Variants in GAS2 observed in about 807,000 individuals in gnomAD.
GAS2 encodes growth arrest specific 2.
A neutral mutation model predicts 37.5 loss-of-function variants in GAS2; 20 were observed. That is an observed-to-expected ratio of 0.53 (90% CI 0.37 to 0.77). GAS2 has a LOEUF of 0.77. Among genes scored for constraint, GAS2 ranks in the 30% least tolerant of loss-of-function variants. The pLI, the probability that GAS2 is intolerant of heterozygous loss-of-function variation, is 0.00. For synonymous variants in GAS2, 144 were observed against 132.2 expected (o/e 1.09, Z -0.61); for missense variants, 336 against 373.4 (o/e 0.90, Z 0.82).
In GAS2 at chr11:22,677,138, A is replaced by G. The variant is rs529051207; in HGVS notation, c.145+2124A>G. 5.3e-5 allele frequency among the ~76,000 whole-genome samples: 8 copies of G among 152,344 alleles called. No homozygotes were observed. In the South Asian group the frequency reaches 8.3e-4, roughly 16 times the overall value. On this transcript the variant is annotated intron_variant, in intron 2 of 7. Coordinates refer to ENST00000454584, the MANE Select transcript of GAS2 (RefSeq NM_001143830.3). ...TTGAATATATAATCTATTACTTGTT[A>G]TAAACACTAAAAGATACAAGTTGCA...
chr11:22,669,964 C>T (rs889666298), intron 1 of GAS2, among the ~76,000 whole-genome samples: 2 of 152,002 alleles, frequency 1.3e-5, no homozygotes, highest in Non-Finnish European at 2.9e-5. Context: ...ATTAATTAGC[C>T]AAAATGAATC....
intron 7 of GAS2, among the ~76,000 whole-genome samples, chr11:22,798,346 C>T (rs1378738130): frequency 6.6e-6 from 1 of 151,890 alleles, no homozygotes; most frequent in African/African-American, 2.4e-5. Context: ...TGTGTTTGAA[C>T]AACTATGGGA....
At chr11:22,668,715 A>G (rs1260549575) in intron 1 of GAS2, among the ~76,000 whole-genome samples, 1 of 152,206 alleles carries the variant, frequency 6.6e-6, no homozygotes, top group Non-Finnish European at 1.5e-5. Context: ...TCTTACTTCA[A>G]GACTGGAAGT....
At chr11:22,652,256 C>T (rs1369458006) in intron 1 of GAS2, among the ~76,000 whole-genome samples, 1 of 152,192 alleles carries the variant, frequency 6.6e-6, no homozygotes, top group African/African-American at 2.4e-5. Context: ...CAGGGACCCA[C>T]TTGAGGAGGC....
intron 1 of GAS2, among the ~76,000 whole-genome samples, chr11:22,629,628 T>TCA (rs984272916): frequency 7.2e-5 from 11 of 152,198 alleles, no homozygotes; most frequent in African/African-American, 2.7e-4. Flanking sequence ...TGTATTCATG[T>TCA]CATTTGCTCA....
chr11:22,633,228 G>T (rs923820822), intron 1 of GAS2, among the ~76,000 whole-genome samples: 3 of 152,008 alleles, frequency 2.0e-5, no homozygotes, highest in African/African-American at 7.3e-5. Context: ...TTCAAATGTG[G>T]TTTTTCAATT....
intron 7 of GAS2, among the ~76,000 whole-genome samples, chr11:22,792,251 C>T (rs934824505): frequency 6.6e-6 from 1 of 151,974 alleles, no homozygotes; most frequent in Non-Finnish European, 1.5e-5. Flanking sequence ...TAAACAACAT[C>T]CCTCTAACAA....
At chr11:22,800,059 G>C (rs1451346193) in intron 7 of GAS2, among the ~76,000 whole-genome samples, 1 of 152,048 alleles carries the variant, frequency 6.6e-6, no homozygotes, top group African/African-American at 2.4e-5. Context: ...GAGTGGGCCT[G>C]GGCTCAGAAG....
intron 2 of GAS2, among the ~76,000 whole-genome samples, chr11:22,675,948 A>G (rs1164236371): frequency 1.3e-5 from 2 of 152,156 alleles, no homozygotes; most frequent in African/African-American, 4.8e-5. Context: ...AGTTTAGCAC[A>G]TTTTATCAGG....
chr11:22,754,949 A>T lies in GAS2; in HGVS notation c.616-897A>T, dbSNP rs1042049654. On this transcript the variant is annotated intron_variant, in intron 6 of 7. Transcript: ENST00000454584. ...ACGGCTTTCTGTTTCTTCCATGGAA[A>T]CTTTTCCTCAAAACACAGGAGATTA... is the stretch of plus-strand genomic sequence containing the variant. Among the ~76,000 whole-genome samples the T allele has an allele frequency of 3.9e-5, 6 of 152,098 alleles. No individual in the cohort carries two copies. The East Asian group carries it at 9.6e-4, about 24-fold the overall frequency.
chr11:22,626,635 G>A (rs539654291), intron 1 of GAS2: 1 of 152,242 alleles, frequency 6.6e-6, no homozygotes, highest in Admixed American at 6.5e-5. Flanking sequence ...TCAACTCCTA[G>A]GAGTTGCATT....
chr11:22,771,477 A>G (rs1388244937), intron 7 of GAS2, among the ~76,000 whole-genome samples: 1 of 152,160 alleles, frequency 6.6e-6, no homozygotes, highest in Non-Finnish European at 1.5e-5. Flanking sequence ...ACACCATACC[A>G]AACTTCCAGA....
At chr11:22,654,937 G>A (rs1314029928) in intron 1 of GAS2, among the ~76,000 whole-genome samples, 1 of 152,140 alleles carries the variant, frequency 6.6e-6, no homozygotes. Flanking sequence ...AAAATATGTA[G>A]TGTGCGATGC....
chr11:22,799,925 T>A (rs1158039071), intron 7 of GAS2, among the ~76,000 whole-genome samples: 1 of 152,092 alleles, frequency 6.6e-6, no homozygotes, highest in Non-Finnish European at 1.5e-5. Flanking sequence ...TGTTGAATGA[T>A]CAAAGGAAGG....
chr11:22,788,586 G>C (rs1017647521), intron 7 of GAS2, among the ~76,000 whole-genome samples: 1 of 152,168 alleles, frequency 6.6e-6, no homozygotes, highest in Non-Finnish European at 1.5e-5. Context: ...AGTAATTACA[G>C]ATCAAAAGTG....
chr11:22,813,003 C>A (rs1857257637), downstream of GAS2: 1 of 152,534 alleles, frequency 6.6e-6, no homozygotes, highest in Non-Finnish European at 1.5e-5. Flanking sequence ...AAAATGTTAT[C>A]TGTCTCTAAA....
chr11:22,736,932 G>T (rs78757781), intron 4 of GAS2, among the ~76,000 whole-genome samples: 1,835 of 152,044 alleles, frequency 0.012, 38 homozygotes, highest in African/African-American at 0.042. Context: ...TCTTCTTGTA[G>T]GCTTGACAAA....
intron 7 of GAS2, among the ~76,000 whole-genome samples, chr11:22,771,959 G>C (rs12274375): frequency 0.037 from 5,669 of 152,156 alleles, 336 homozygotes; most frequent in African/African-American, 0.13. Context: ...TAATTATTCT[G>C]ACAGTTCAAT....
chr11:22,645,482 G>A lies in GAS2; in HGVS notation c.-21+19669G>A, dbSNP rs538885613. ...AAATCATGCCACTGCACTCCAGCCC[G>A]GGTGACAGAGTGACTGTCTTAAAAA... On this transcript the variant is annotated intron_variant, in intron 1 of 5. Transcript: ENST00000528582. Among the ~76,000 whole-genome samples the A allele has an allele frequency of 3.3e-5, 5 of 152,040 alleles. No homozygotes were observed. The East Asian group carries it at 5.8e-4, about 18-fold the overall frequency.
Sources: allele counts gnomAD v4.1 joint callset (sites outside exome capture counted in the v4.1 genomes callset), GRCh38; gene constraint gnomAD v4.1.1; transcripts MANE v1.5; gene names NCBI Gene and HGNC (gene_info 2026-07-23, HGNC 2026-07-21).